CHN2: variants seen among roughly 807,000 people sequenced by gnomAD.
CHN2 encodes chimerin 2.
CHN2 carries 35 observed loss-of-function variants against 56.3 expected under a neutral mutation model. The observed-to-expected ratio is 0.62, with a 90% CI of 0.47 to 0.82. The LOEUF (loss-of-function observed/expected upper bound fraction) is 0.82, where lower values mean the gene tolerates loss of function less well. Among genes scored for constraint, CHN2 ranks in the 40% least tolerant of loss-of-function variants. The pLI is 0.00. For missense variants in CHN2, 491 were observed against 580.5 expected, an observed-to-expected ratio of 0.85 and a Z score of 1.58; for synonymous variants, 210 against 212.8, an observed-to-expected ratio of 0.99 and a Z score of 0.12.
chr7:29,406,882 TA>T (rs1160086181), intron 6 of CHN2, among the ~76,000 whole-genome samples: 3 of 152,222 alleles, frequency 2.0e-5, no homozygotes, highest in African/African-American at 7.2e-5. Flanking sequence ...GCCTACTTCC[TA>T]ATTCTAACGC....
intron 6 of CHN2, among the ~76,000 whole-genome samples, chr7:29,419,779 A>G (rs997027731): frequency 6.6e-6 from 1 of 152,226 alleles, no homozygotes; most frequent in Non-Finnish European, 1.5e-5. Context: ...AATGAAAACC[A>G]CAAGGAAATA....
At chr7:29,504,210 C>G (rs934005289) in intron 9 of CHN2, among the ~76,000 whole-genome samples, 1 of 152,030 alleles carries the variant, frequency 6.6e-6, no homozygotes, top group Non-Finnish European at 1.5e-5. Context: ...ATGTGTGTAT[C>G]TAGTACAGTG....
intron 2 of CHN2, among the ~76,000 whole-genome samples, chr7:29,160,399 C>G (rs549726442): frequency 1.3e-5 from 2 of 152,260 alleles, no homozygotes; most frequent in African/African-American, 4.8e-5. Flanking sequence ...ATTCCCCTTC[C>G]TGTTTGGTAT....
intron 1 of CHN2, among the ~76,000 whole-genome samples, chr7:29,241,499 G>A (rs1028366939): frequency 3.9e-5 from 6 of 151,968 alleles, no homozygotes; most frequent in East Asian, 1.9e-4. Context: ...ATTCTCTGGG[G>A]ACCCTCTCCC....
At chr7:29,215,057 A>G (rs1785233770) in intron 1 of CHN2, among the ~76,000 whole-genome samples, 1 of 152,224 alleles carries the variant, frequency 6.6e-6, no homozygotes, top group Admixed American at 6.5e-5. Context: ...TTTTGGATGA[A>G]TGACTGAGTA....
chr7:29,493,317 A>G (rs1179898553), intron 7 of CHN2, among the ~76,000 whole-genome samples: 1 of 152,108 alleles, frequency 6.6e-6, no homozygotes, highest in Non-Finnish European at 1.5e-5. Context: ...CTCTATGATG[A>G]TCCCCCTCAA....
chr7:29,211,111 C>T (rs540921997), intron 1 of CHN2, among the ~76,000 whole-genome samples: 12 of 151,696 alleles, frequency 7.9e-5, no homozygotes, highest in South Asian at 6.3e-4. Context: ...CGCTCTATCG[C>T]CCAGGCTGGA....
chr7:29,423,878 G>A (rs551294987), intron 6 of CHN2, among the ~76,000 whole-genome samples: 100 of 152,266 alleles, frequency 6.6e-4, no homozygotes, highest in Admixed American at 2.4e-3. Flanking sequence ...CCCATTTGTA[G>A]CTGCATCCTT....
chr7:29,346,574 T>C (rs1052267534), intron 1 of CHN2, among the ~76,000 whole-genome samples: 17 of 152,358 alleles, frequency 1.1e-4, no homozygotes, highest in Admixed American at 6.5e-5. Context: ...AACCCAGTCC[T>C]TCCCCTCTGT....
At chr7:29,163,335 T>C (rs755656577) in intron 2 of CHN2, among the ~76,000 whole-genome samples, 81 of 152,152 alleles carry the variant, frequency 5.3e-4, no homozygotes, top group Non-Finnish European at 8.7e-4. Flanking sequence ...TAAAATACTC[T>C]ATATTGAATT....
chr7:29,402,866 A>G (rs986685214), intron 6 of CHN2, among the ~76,000 whole-genome samples: 2 of 152,212 alleles, frequency 1.3e-5, no homozygotes, highest in African/African-American at 2.4e-5. Context: ...CCTTGTGCAG[A>G]TATTTTTGTA....
intron 2 of CHN2, among the ~76,000 whole-genome samples, chr7:29,362,573 C>T (rs996700441): frequency 4.6e-5 from 7 of 152,186 alleles, no homozygotes; most frequent in African/African-American, 1.4e-4. Flanking sequence ...TCCAGCCCCA[C>T]ATGGCCTTCT....
At chr7:29,253,597 G>A (rs1049241897) in intron 1 of CHN2, among the ~76,000 whole-genome samples, 3 of 152,234 alleles carry the variant, frequency 2.0e-5, no homozygotes, top group African/African-American at 7.2e-5. Flanking sequence ...ATAGGTGGGA[G>A]ATTGGGCTAG....
At chr7:29,148,164 T>C (rs717132) in intron 2 of CHN2, among the ~76,000 whole-genome samples, 1 of 152,070 alleles carries the variant, frequency 6.6e-6, no homozygotes, top group Non-Finnish European at 1.5e-5. Flanking sequence ...GCAGGCTCAG[T>C]GCCATTTGGG....
At chr7:29,350,315 C>T (rs950117575) in intron 1 of CHN2, among the ~76,000 whole-genome samples, 1 of 151,938 alleles carries the variant, frequency 6.6e-6, no homozygotes, top group Admixed American at 6.6e-5. Context: ...TCAGCCTATC[C>T]AAGACGCAAG....
intron 9 of CHN2, among the ~76,000 whole-genome samples, chr7:29,502,805 A>G (rs1025851026): frequency 2.0e-5 from 3 of 152,052 alleles, no homozygotes; most frequent in Non-Finnish European, 4.4e-5. Flanking sequence ...ATAGGTATAC[A>G]TGTGCCATGG....
In CHN2 at chr7:29,514,153, C is replaced by T. The variant is rs1791807307; in HGVS notation, c.*1418C>T. On this transcript the variant is annotated 3_prime_UTR_variant, in exon 13 of 13. Coordinates refer to ENST00000222792, the MANE Select transcript of CHN2 (RefSeq NM_004067.4). ...ACAGGGAGGTTTGACCTCTTCCCTG[C>T]TATTATCCCTCCTCCCAACTGTACA... is the stretch of plus-strand genomic sequence containing the variant. 1 of 152,586 alleles carries T rather than the reference C, an allele frequency of 6.6e-6. No individual in the cohort carries two copies. The highest frequency in any genetic ancestry group is 1.5e-5 in the Non-Finnish European group (1 of 68,054). 9.5% of individuals were successfully genotyped at this position (152,586 alleles called of 1,614,324 possible). A position where few individuals can be genotyped will look rare whatever the true frequency, so the allele number is the denominator to read the frequency against.
intron 1 of CHN2, among the ~76,000 whole-genome samples, chr7:29,317,215 G>A (rs1036411189): frequency 2.6e-5 from 4 of 152,194 alleles, no homozygotes; most frequent in Non-Finnish European, 5.9e-5. Context: ...CAAATAGTCC[G>A]AGGCACAGAA....
intron 2 of CHN2, among the ~76,000 whole-genome samples, chr7:29,149,503 A>G (rs1793292383): frequency 6.6e-6 from 1 of 152,072 alleles, no homozygotes; most frequent in Non-Finnish European, 1.5e-5. Flanking sequence ...CTGGAAATCC[A>G]TTTTCTTAAT....
Sources: allele counts gnomAD v4.1 joint callset (sites outside exome capture counted in the v4.1 genomes callset), GRCh38; gene constraint gnomAD v4.1.1; transcripts MANE v1.5; gene names NCBI Gene and HGNC (gene_info 2026-07-23, HGNC 2026-07-21).